PCNT: variants seen among roughly 807,000 people sequenced by gnomAD.
PCNT encodes pericentrin.
A neutral mutation model predicts 380.4 loss-of-function variants in PCNT; 319 were observed. The observed-to-expected ratio is 0.84, with a 90% CI of 0.77 to 0.92. The LOEUF (loss-of-function observed/expected upper bound fraction) is 0.92. Among genes scored for constraint, PCNT ranks in the 40% least tolerant of loss-of-function variants. The pLI, the probability that PCNT is intolerant of heterozygous loss-of-function variation, is 0.00. For synonymous variants in PCNT, 1,845 were observed against 1,735.2 expected (o/e 1.06, Z -1.57); for missense variants, 4,400 against 4,255.3 (o/e 1.03, Z -0.95).
chr21:46,369,673 AC>A (rs1376378788), intron 15 of PCNT, among the ~76,000 whole-genome samples: 1 of 152,254 alleles, frequency 6.6e-6, no homozygotes, highest in Non-Finnish European at 1.5e-5. Context: ...GTTTCAAACC[AC>A]GGCCTGATTT....
In PCNT at chr21:46,418,437, C is replaced by CT; in HGVS notation, c.7024+134dup. 3 of 693,148 alleles carry CT rather than the reference C, an allele frequency of 4.3e-6. No individual in the cohort carries two copies. The South Asian group carries it at 4.8e-5, about 11-fold the overall frequency. 42.9% of individuals were successfully genotyped at this position (693,148 alleles called of 1,614,324 possible). On this transcript the variant is annotated intron_variant, in intron 31 of 46. Transcript: ENST00000359568. ...CGCTGACCTCCACCCCGGCTCTGCG[C>CT]TTTGTCGGGCGTGCACCTGGGGCCT...
intron 14 of PCNT, 119 bp from the exon 15 acceptor site, chr21:46,366,465 C>T (rs1416354621): frequency 2.0e-5 from 17 of 860,294 alleles, no homozygotes; most frequent in South Asian, 1.1e-4. Context: ...GTTAAAATCC[C>T]GAAACGATGA....
intron 14 of PCNT, among the ~76,000 whole-genome samples, chr21:46,365,990 T>G (rs996060581): frequency 5.3e-5 from 8 of 151,890 alleles, no homozygotes; most frequent in Admixed American, 1.3e-4. Flanking sequence ...TTCTAGTCAC[T>G]GCCGTGGGGT....
Position 46,411,602 on chromosome 21 carries a change from C to T in PCNT, c.5529C>T (p.Ala1843=). Residue 1843 remains alanine, a synonymous_variant, in exon 28 of 47, where the codon GCC becomes GCT. Transcript: ENST00000359568. Reference sequence around the variant, plus strand: ...TGGCTGAGCTGGAGCGCAATGTAGCCCTCAGGGAGGCTGAGGTCGAAGACA... The same window carrying T: ...TGGCTGAGCTGGAGCGCAATGTAGCTCTCAGGGAGGCTGAGGTCGAAGACA... ...LQLAELERNV[A]LREAEVEDMA... 1.2e-6 allele frequency: 2 copies of T among 1,613,052 alleles called. No individual in the cohort carries two copies. Among genetic ancestry groups the T allele is most frequent in the Non-Finnish European group, 1.7e-6 (2 of 1,179,848 alleles).
intron 21 of PCNT, 96 bp from the exon 22 acceptor site, chr21:46,397,168 TG>T: frequency 1.0e-6 from 1 of 963,490 alleles, no homozygotes; most frequent in Non-Finnish European, 1.7e-6. Flanking sequence ...TCATTTTCGG[TG>T]GGTTTTGACT....
At chr21:46,326,346 G>C (rs758140104) in intron 1 of PCNT, 31 bp from the exon 2 acceptor site, 3 of 1,606,288 alleles carry the variant, frequency 1.9e-6, no homozygotes, top group Admixed American at 1.7e-5. Context: ...ACTTACCTTT[G>C]CCTTTACTAC....
At chr21:46,435,814 T>C (rs1218930429) in intron 38 of PCNT, 90 bp from the exon 39 acceptor site, 2 of 1,497,206 alleles carry the variant, frequency 1.3e-6, no homozygotes, top group Non-Finnish European at 9.3e-7. Flanking sequence ...AGTGCTAGGA[T>C]TACAGGCATG....
At chr21:46,380,966 A>C (rs2085510600) in intron 15 of PCNT, among the ~76,000 whole-genome samples, 1 of 152,162 alleles carries the variant, frequency 6.6e-6, no homozygotes, top group Non-Finnish European at 1.5e-5. Flanking sequence ...GGAGTTTCAG[A>C]CTAGCCTGGC....
intron 16 of PCNT, 25 bp downstream of exon 16, chr21:46,381,865 G>A: frequency 6.2e-7 from 1 of 1,612,508 alleles, no homozygotes; most frequent in Admixed American, 1.7e-5. Flanking sequence ...CTGTTCCCTT[G>A]TGATAAGACG....
In PCNT at chr21:46,366,800, G is replaced by A. The variant is rs1204979216; in HGVS notation, c.2826G>A (p.Leu942=). The A allele has an allele frequency of 1.2e-6, 2 of 1,613,780 alleles. No homozygotes were observed. Among genetic ancestry groups the A allele is most frequent in the Non-Finnish European group, 1.7e-6 (2 of 1,180,030 alleles). Residue 942 remains leucine (L), a synonymous_variant, in exon 15 of 47, where the codon CTG becomes CTA. Coordinates refer to ENST00000359568, the MANE Select transcript of PCNT (RefSeq NM_006031.6). ...TAGAGAGCAAGCAGGGGGCTCTGCTGGCTGCACGTGTGGCCGAACTGCAGA... is the reference window on the plus strand; with the variant it reads ...TAGAGAGCAAGCAGGGGGCTCTGCTAGCTGCACGTGTGGCCGAACTGCAGA... ...ASLESKQGAL[L]AARVAELQTK... is the part of the protein sequence containing the mutation.
At chr21:46,374,953 G>A (rs1449660610) in intron 15 of PCNT, among the ~76,000 whole-genome samples, 2 of 151,226 alleles carry the variant, frequency 1.3e-5, no homozygotes, top group East Asian at 3.9e-4. Context: ...GTTCTTCCCC[G>A]CGGCGATGCT....
intron 21 of PCNT, among the ~76,000 whole-genome samples, chr21:46,395,056 A>G (rs186532171): frequency 3.2e-4 from 49 of 152,360 alleles, no homozygotes; most frequent in African/African-American, 1.2e-3. Context: ...TCAGGGGAGC[A>G]GCTGCCCTCA....
intron 4 of PCNT, 50 bp from the exon 5 acceptor site, chr21:46,346,693 G>T: frequency 2.6e-6 from 4 of 1,566,564 alleles, no homozygotes; most frequent in East Asian, 2.3e-5. Flanking sequence ...TCCCTGATGC[G>T]CCCTGGTTCT....
At chr21:46,368,489 C>T (rs1397920642) in intron 15 of PCNT, among the ~76,000 whole-genome samples, 1 of 152,126 alleles carries the variant, frequency 6.6e-6, no homozygotes, top group Non-Finnish European at 1.5e-5. Context: ...CAGGCACTTC[C>T]AAGTTTTTAT....
chr21:46,364,437 TCA>T (rs869026171), intron 14 of PCNT, among the ~76,000 whole-genome samples: 2 of 134,742 alleles, frequency 1.5e-5, no homozygotes, highest in Non-Finnish European at 3.5e-5. Context: ...TGGGTGGGTG[TCA>T]GGGGCGGGGA....
chr21:46,348,082 A>G (rs1371845146), intron 6 of PCNT, among the ~76,000 whole-genome samples: 1 of 152,192 alleles, frequency 6.6e-6, no homozygotes, highest in African/African-American at 2.4e-5. Context: ...GTGTTAGTCC[A>G]GGCTTGGGGT....
chr21:46,440,812 C>CTT, intron 42 of PCNT, 43 bp from the exon 43 acceptor site: 1 of 1,198,304 alleles, frequency 8.3e-7, no homozygotes, highest in South Asian at 1.2e-5. Flanking sequence ...GCAAGACAGT[C>CTT]TTTGTTTCCT....
At chr21:46,401,440 A>C (rs2086424053) in intron 25 of PCNT, 111 bp from the exon 26 acceptor site, 1 of 907,620 alleles carries the variant, frequency 1.1e-6, no homozygotes, top group East Asian at 2.5e-5. Flanking sequence ...GTGCAGGTCC[A>C]CCTGCTCTGC....
chr21:46,332,780 G>A (rs963972053), intron 2 of PCNT, among the ~76,000 whole-genome samples: 1 of 152,182 alleles, frequency 6.6e-6, no homozygotes, highest in African/African-American at 2.4e-5. Context: ...GCTATTTTGG[G>A]AAGAAATTGA....
Sources: allele counts gnomAD v4.1 joint callset (sites outside exome capture counted in the v4.1 genomes callset), GRCh38; gene constraint gnomAD v4.1.1; transcripts MANE v1.5; gene names NCBI Gene and HGNC (gene_info 2026-07-23, HGNC 2026-07-21).